BCL2: variants seen among roughly 807,000 people sequenced by gnomAD.
The protein encoded by BCL2 is apoptosis regulator Bcl-2.
In BCL2, 1 loss-of-function variant was observed where a neutral mutation model predicts 14.2. That is an observed-to-expected ratio of 0.07 (90% CI 0.02 to 0.33). BCL2 has a LOEUF of 0.33. Among genes scored for constraint, BCL2 ranks in the 10% least tolerant of loss-of-function variants. The probability of loss-of-function intolerance (pLI) is 0.99; values close to 1 mark genes in which losing one functional copy is unlikely to be tolerated. For missense variants in BCL2, 247 were observed against 305.9 expected, an observed-to-expected ratio of 0.81 and a Z score of 1.44; for synonymous variants, 151 against 137.2, an observed-to-expected ratio of 1.10 and a Z score of -0.70.
intron 2 of BCL2, among the ~76,000 whole-genome samples, chr18:63,134,826 C>A (rs542949272): frequency 2.9e-4 from 44 of 152,216 alleles, no homozygotes; most frequent in Non-Finnish European, 6.3e-4. Context: ...TCAGACCATG[C>A]CAATGGGAAA....
intron 2 of BCL2, among the ~76,000 whole-genome samples, chr18:63,198,551 CAT>C (rs1281617004): frequency 3.0e-5 from 3 of 101,082 alleles, no homozygotes; most frequent in Middle Eastern, 5.7e-3. Flanking sequence ...CACAGACACA[CAT>C]AGACACAGAC....
chr18:63,139,840 C>T (rs577490253), intron 2 of BCL2, among the ~76,000 whole-genome samples: 1 of 152,296 alleles, frequency 6.6e-6, no homozygotes, highest in African/African-American at 2.4e-5. Flanking sequence ...TATGCTATTT[C>T]ACTGTTTCGG....
chr18:63,309,838 A>G (rs1913251996), intron 2 of BCL2, among the ~76,000 whole-genome samples: 1 of 151,876 alleles, frequency 6.6e-6, no homozygotes, highest in South Asian at 2.1e-4. Flanking sequence ...ATCCTCCTAT[A>G]TACTTTATTT....
chr18:63,317,972 A>G (rs1913549418), intron 2 of BCL2, 110 bp downstream of exon 2: 1 of 1,491,294 alleles, frequency 6.7e-7, no homozygotes, highest in South Asian at 1.3e-5. Context: ...CTCTGATTTT[A>G]TTTCGCCGGC....
At chr18:63,148,062 A>G (rs185022349) in intron 2 of BCL2, among the ~76,000 whole-genome samples, 1 of 152,220 alleles carries the variant, frequency 6.6e-6, no homozygotes, top group East Asian at 1.9e-4. Flanking sequence ...GACTGTGACA[A>G]ATTTGTTTTT....
At chr18:63,155,162 C>T (rs1404430707) in intron 2 of BCL2, among the ~76,000 whole-genome samples, 2 of 152,168 alleles carry the variant, frequency 1.3e-5, no homozygotes. Flanking sequence ...TGATGCCAAA[C>T]GTCTGGTGGA....
intron 2 of BCL2, among the ~76,000 whole-genome samples, chr18:63,175,044 A>C (rs1915322252): frequency 6.6e-6 from 1 of 152,142 alleles, no homozygotes; most frequent in Admixed American, 6.5e-5. Flanking sequence ...ACATTTTGTC[A>C]AAAGCCACCT....
chr18:63,152,324 T>A (rs1424559686), intron 2 of BCL2, among the ~76,000 whole-genome samples: 1 of 152,246 alleles, frequency 6.6e-6, no homozygotes, highest in Non-Finnish European at 1.5e-5. Context: ...TGTTTTGATG[T>A]GGTCATTATT....
intron 2 of BCL2, among the ~76,000 whole-genome samples, chr18:63,168,953 G>A (rs975236764): frequency 1.2e-4 from 18 of 152,216 alleles, no homozygotes; most frequent in Non-Finnish European, 2.2e-4. Flanking sequence ...GCGGTCATCT[G>A]TCTTTATCTT....
At chr18:63,197,571 G>A (rs139560436) in intron 2 of BCL2, among the ~76,000 whole-genome samples, 5 of 151,944 alleles carry the variant, frequency 3.3e-5, no homozygotes, top group African/African-American at 1.2e-4. Context: ...CACTCCTACA[G>A]TTGACTCCCC....
chr18:63,130,644 A>G (rs1914039794), intron 2 of BCL2, among the ~76,000 whole-genome samples: 1 of 152,248 alleles, frequency 6.6e-6, no homozygotes, highest in Admixed American at 6.5e-5. Flanking sequence ...ATTATTAAAT[A>G]TAGATTTATA....
In BCL2 at chr18:63,131,485, T is replaced by C. The variant is rs796907517; in HGVS notation, c.586-2726A>G. ...CCCTCTCCATATAAGCAGGGATCAG[T>C]GGGGCAGGAAGGAGTCAGGACTTCT... On this transcript the variant is annotated intron_variant, in intron 2 of 2. Coordinates refer to ENST00000333681, the MANE Select transcript of BCL2 (RefSeq NM_000633.3). Among the ~76,000 whole-genome samples the C allele has an allele frequency of 8.1e-4, 123 of 152,288 alleles. 2 individuals are homozygous for C. The highest frequency in any genetic ancestry group is 2.8e-3 in the African/African-American group (115 of 41,552).
chr18:63,155,058 C>T (rs1186398088), intron 2 of BCL2, among the ~76,000 whole-genome samples: 2 of 152,196 alleles, frequency 1.3e-5, no homozygotes, highest in Admixed American at 1.3e-4. Flanking sequence ...CCCAAGATAT[C>T]TAACATCTCT....
chr18:63,234,812 T>C (rs1438930251), intron 2 of BCL2, among the ~76,000 whole-genome samples: 1 of 152,220 alleles, frequency 6.6e-6, no homozygotes, highest in African/African-American at 2.4e-5. Context: ...CAAACAGAGA[T>C]AGCATCTAGC....
At chr18:63,169,369 C>CTTTCTTTCTTTCTTTCTTTCTT (rs372286465) in intron 2 of BCL2, among the ~76,000 whole-genome samples, 2 of 69,552 alleles carry the variant, frequency 2.9e-5, no homozygotes, top group African/African-American at 9.9e-5. Context: ...TTCTTTCTTT[C>CTTTCTTTCTTTCTTTCTTTCTT]TCTTTCTTTC....
rs375185808 is a variant in BCL2, at chr18:63,199,387, T to C, written c.586-70628A>G. On this transcript the variant is annotated intron_variant, in intron 2 of 2. Coordinates refer to ENST00000333681, the MANE Select transcript of BCL2 (RefSeq NM_000633.3). ...CACACACAACACACACAGACATGCATAGACACACACAACACACACAGCCAT... is the reference window on the plus strand; with the variant it reads ...CACACACAACACACACAGACATGCACAGACACACACAACACACACAGCCAT... Among the ~76,000 whole-genome samples, 508 of 137,306 alleles carry C rather than the reference T, an allele frequency of 3.7e-3. 4 individuals are homozygous for C. Among genetic ancestry groups the C allele is most frequent in the African/African-American group, 0.013 (474 of 35,470 alleles). 90.1% of individuals were successfully genotyped at this position (137,306 alleles called of 152,430 possible). A position where few individuals can be genotyped will look rare whatever the true frequency, so the allele number is the denominator to read the frequency against.
rs927713672 is a variant in BCL2, at chr18:63,319,465, T to A, written c.-578A>T. ...CGGCGGCGGCAGATGAATTACAATT[T>A]TCAGTCCGGTATTCGCAGAAGTCCT... On this transcript the variant is annotated 5_prime_UTR_variant, in exon 1 of 3. Coordinates refer to ENST00000333681, the MANE Select transcript of BCL2 (RefSeq NM_000633.3). 2 of 228,526 alleles carry A rather than the reference T, an allele frequency of 8.8e-6. No individual in the cohort carries two copies. The highest frequency in any genetic ancestry group is 4.5e-5 in the African/African-American group (2 of 44,940). The allele number at this position is 228,526 out of a possible 1,614,324, so 14.2% of individuals were successfully genotyped here.
chr18:63,233,760 C>T (rs916697841), intron 2 of BCL2, among the ~76,000 whole-genome samples: 2 of 152,258 alleles, frequency 1.3e-5, no homozygotes, highest in South Asian at 4.1e-4. Flanking sequence ...CACATAATCA[C>T]ATAGCAAAAT....
intron 2 of BCL2, among the ~76,000 whole-genome samples, chr18:63,194,377 AGGCTGGAGTGCAGTG>A (rs1305744181): frequency 6.7e-6 from 1 of 148,838 alleles, no homozygotes; most frequent in Non-Finnish European, 1.5e-5. Context: ...TCTATTGTCC[AGGCTGGAGTGCAGTG>A]GCATGATCTC....
Sources: allele counts gnomAD v4.1 joint callset (sites outside exome capture counted in the v4.1 genomes callset), GRCh38; gene constraint gnomAD v4.1.1; transcripts MANE v1.5; gene names NCBI Gene and HGNC (gene_info 2026-07-23, HGNC 2026-07-21).